ANK3: variants seen among roughly 807,000 people sequenced by gnomAD.
The protein encoded by ANK3 is ankyrin 3.
In ANK3, 57 loss-of-function variants were observed where a neutral mutation model predicts 370.9. The observed-to-expected ratio is 0.15, with a 90% confidence interval of 0.12 to 0.19. The LOEUF (loss-of-function observed/expected upper bound fraction) is 0.19, where lower values mean the gene tolerates loss of function less well. ANK3 is among the 10% of genes least tolerant of loss of function. ANK3 has a pLI of 1.00. For missense variants in ANK3, 4,439 were observed against 5,302.1 expected, an observed-to-expected ratio of 0.84 and a Z score of 5.06; for synonymous variants, 1,929 against 1,946.3, an observed-to-expected ratio of 0.99 and a Z score of 0.23.
chr10:60,075,409 T>A lies in ANK3; in HGVS notation c.5472A>T (p.Val1824=), dbSNP rs753439774. The part of the protein sequence containing the change: ...SVTSSIITVP[V]YSVVNVLPEP... Reference sequence around the variant, plus strand: ...CTGGCAAAACATTGACTACAGAGTATACTGGCACTGTTATAATTGATGAAG... The same window carrying A: ...CTGGCAAAACATTGACTACAGAGTAAACTGGCACTGTTATAATTGATGAAG... The change falls in exon 37 of 44, where the codon GTA becomes GTT. Residue 1824 remains valine, a synonymous_variant. Coordinates refer to ENST00000280772, the MANE Select transcript of ANK3 (RefSeq NM_020987.5). The A allele has an allele frequency of 6.2e-7, 1 of 1,613,806 alleles. No homozygotes were observed. Among genetic ancestry groups the A allele is most frequent in the Non-Finnish European group, 8.5e-7 (1 of 1,180,016 alleles).
intron 1 of ANK3, among the ~76,000 whole-genome samples, chr10:60,283,911 A>G (rs1233365936): frequency 1.3e-5 from 2 of 152,182 alleles, no homozygotes; most frequent in Admixed American, 6.6e-5. Flanking sequence ...AAGTCCTTAT[A>G]TTAATTTATG....
Position 60,485,682 on chromosome 10 carries a change from T to C in ANK3, c.96+129504A>G, listed in dbSNP as rs192897143. Among the ~76,000 whole-genome samples, 334 of 152,240 alleles carry C rather than the reference T, an allele frequency of 2.2e-3. 2 individuals carry two copies. Among genetic ancestry groups the C allele is most frequent in the African/African-American group, 7.6e-3 (316 of 41,550 alleles). On this transcript the variant is annotated intron_variant, in intron 2 of 43. Coordinates refer to the ANK3 transcript ENST00000373827. ...TCTGCCATACTGATTTAAAATTAGG[T>C]GTGGGCATTGTTGTGGCAGAGCGTG...
chr10:60,322,671 C>T (rs1360733488), intron 1 of ANK3, among the ~76,000 whole-genome samples: 1 of 152,092 alleles, frequency 6.6e-6, no homozygotes, highest in Non-Finnish European at 1.5e-5. Context: ...GTCAGACTCT[C>T]TTTTAGGCAT....
chr10:60,650,460 T>C (rs949230331), intron 1 of ANK3, among the ~76,000 whole-genome samples: 1 of 151,836 alleles, frequency 6.6e-6, no homozygotes, highest in Non-Finnish European at 1.5e-5. Flanking sequence ...ATAAGATCCA[T>C]GCCCTTTGAC....
chr10:60,493,280 G>C (rs996871308), intron 2 of ANK3, among the ~76,000 whole-genome samples: 1 of 152,014 alleles, frequency 6.6e-6, no homozygotes, highest in African/African-American at 2.4e-5. Context: ...TATAACTTTG[G>C]GATGTTCTCT....
chr10:60,106,537 G>A (rs1032844604), intron 27 of ANK3, among the ~76,000 whole-genome samples: 6 of 152,150 alleles, frequency 3.9e-5, no homozygotes, highest in Middle Eastern at 3.4e-3. Context: ...ATATGTTAAC[G>A]ACTCCTCCAA....
intron 2 of ANK3, among the ~76,000 whole-genome samples, chr10:60,536,026 C>A (rs1413014217): frequency 6.6e-6 from 1 of 151,918 alleles, no homozygotes; most frequent in Non-Finnish European, 1.5e-5. Flanking sequence ...TTGAGGATAG[C>A]CATTGCAAAT....
At chr10:60,200,838 G>A (rs1435417448) in intron 12 of ANK3, among the ~76,000 whole-genome samples, 3 of 152,172 alleles carry the variant, frequency 2.0e-5, no homozygotes, top group Non-Finnish European at 4.4e-5. Flanking sequence ...TGCATTTCTT[G>A]TTTTATCTGA....
intron 28 of ANK3, among the ~76,000 whole-genome samples, chr10:60,092,880 C>G (rs567852102): frequency 2.6e-5 from 4 of 152,270 alleles, no homozygotes; most frequent in Non-Finnish European, 5.9e-5. Context: ...TGATTACAGG[C>G]GTGTGCCACC....
chr10:60,231,494 T>A (rs2097245010), intron 8 of ANK3, among the ~76,000 whole-genome samples: 1 of 152,154 alleles, frequency 6.6e-6, no homozygotes, highest in Non-Finnish European at 1.5e-5. Flanking sequence ...GGGAGGCAGA[T>A]GGATAGATAA....
intron 21 of ANK3, among the ~76,000 whole-genome samples, chr10:60,169,914 T>C (rs1365990577): frequency 6.6e-6 from 1 of 152,196 alleles, no homozygotes; most frequent in East Asian, 1.9e-4. Flanking sequence ...TATTTACTTT[T>C]GTTGGGGGAG....
intron 1 of ANK3, among the ~76,000 whole-genome samples, chr10:60,315,793 T>G (rs1282932649): frequency 1.3e-5 from 2 of 152,058 alleles, no homozygotes; most frequent in East Asian, 3.9e-4. Context: ...GTGCCACGAG[T>G]GAGCTGGCCC....
At chr10:60,562,907 CA>C (rs1258953722) in intron 2 of ANK3, among the ~76,000 whole-genome samples, 1 of 152,154 alleles carries the variant, frequency 6.6e-6, no homozygotes, top group Non-Finnish European at 1.5e-5. Context: ...ATATGATTAA[CA>C]TTATTTTCTT....
chr10:60,175,798 A>G (rs938740544), intron 18 of ANK3, among the ~76,000 whole-genome samples: 4 of 152,184 alleles, frequency 2.6e-5, no homozygotes, highest in Non-Finnish European at 5.9e-5. Context: ...GCTACTTACT[A>G]TCTGTGTGAA....
rs1223620561 is a variant in ANK3, at chr10:60,068,869, A to G, written c.12012T>C (p.Ser4004=). The change falls in exon 37 of 44, where the codon AGT becomes AGC. Residue 4004 remains serine, a synonymous_variant. Transcript: ENST00000280772. ...GGTCCACAAGCTTTAAGGTCTCACC[A>G]CTAATTCCCTTAAAATATTCAATGG... ...KHSIEYFKGI[S]GETLKLVDRL... 2 of 1,614,006 alleles carry G rather than the reference A, an allele frequency of 1.2e-6. No homozygotes were observed. Among genetic ancestry groups the G allele is most frequent in the Admixed American group, 3.3e-5 (2 of 59,986 alleles).
At chr10:60,415,978 C>T (rs1398734340) in intron 2 of ANK3, among the ~76,000 whole-genome samples, 1 of 128,578 alleles carries the variant, frequency 7.8e-6, no homozygotes, top group Non-Finnish European at 1.6e-5. Context: ...GGTATAAGGA[C>T]ATGAGGCCTT....
chr10:60,603,228 T>C (rs985587229), intron 2 of ANK3, among the ~76,000 whole-genome samples: 2 of 152,154 alleles, frequency 1.3e-5, no homozygotes, highest in Non-Finnish European at 2.9e-5. Flanking sequence ...CCAACAGCCA[T>C]TAGTGCACTG....
In ANK3 at chr10:60,278,533, G is replaced by A. The variant is rs562647374; in HGVS notation, c.414+241C>T. On this transcript the variant is annotated intron_variant, in intron 4 of 43. Transcript: ENST00000280772. Reference sequence around the variant, plus strand: ...GGGATTACAGACACCATGATGCCAGGCTAATTTTTTTTATTTTTAGTAGAG... The same window carrying A: ...GGGATTACAGACACCATGATGCCAGACTAATTTTTTTTATTTTTAGTAGAG... Among the ~76,000 whole-genome samples, 8 of 152,036 alleles carry A rather than the reference G, an allele frequency of 5.3e-5. No individual in the cohort carries two copies. The South Asian group carries it at 1.3e-3, about 24-fold the overall frequency.
chr10:60,078,069 G>C (rs2084248445), intron 36 of ANK3, among the ~76,000 whole-genome samples: 1 of 152,210 alleles, frequency 6.6e-6, no homozygotes, highest in African/African-American at 2.4e-5. Flanking sequence ...TACATCAAAG[G>C]TGAATACAGT....
Sources: allele counts gnomAD v4.1 joint callset (sites outside exome capture counted in the v4.1 genomes callset), GRCh38; gene constraint gnomAD v4.1.1; transcripts MANE v1.5; gene names NCBI Gene and HGNC (gene_info 2026-07-23, HGNC 2026-07-21).